Variants in PSAT1 observed in about 807,000 individuals in gnomAD.
The protein encoded by PSAT1 is phosphoserine aminotransferase.
Under a neutral mutation model 40.3 loss-of-function variants are expected in PSAT1, and 41 were observed. The ratio of observed to expected loss-of-function variants is 1.02; its 90% CI spans 0.79 to 1.32. The LOEUF (loss-of-function observed/expected upper bound fraction) is 1.32. Among genes scored for constraint, PSAT1 ranks in the 40% most tolerant of loss-of-function variants. PSAT1 has a pLI of 0.00. For missense variants in PSAT1, 406 were observed against 455.8 expected, an observed-to-expected ratio of 0.89 and a Z score of 0.99; for synonymous variants, 147 against 170.5, an observed-to-expected ratio of 0.86 and a Z score of 1.07.
At chr9:78,327,607 T>C (rs1360222886) in intron 7 of PSAT1, among the ~76,000 whole-genome samples, 7 of 152,150 alleles carry the variant, frequency 4.6e-5, no homozygotes, top group Non-Finnish European at 1.5e-5. Context: ...GGTAAGTCCT[T>C]TGGAAGTTGC....
chr9:78,326,958 T>TTTTTTTTTTTTTTTTTG (rs1828509331), intron 7 of PSAT1, among the ~76,000 whole-genome samples: 1 of 126,852 alleles, frequency 7.9e-6, no homozygotes, highest in Non-Finnish European at 1.6e-5. Flanking sequence ...TATATATATT[T>TTTTTTTTTTTTTTTTTG]TTTTTTTTTT....
At position 78,304,877 on chromosome 9, in the gene PSAT1, G is replaced by A. The variant is rs753859574; in HGVS notation, c.334G>A (p.Ala112Thr). 28 of 1,613,904 alleles carry A rather than the reference G, an allele frequency of 1.7e-5. 1 individual carries two copies. In the South Asian group the frequency reaches 2.1e-4, roughly 12 times the overall value. Residue 112 changes from alanine to threonine, a missense_variant, in exon 4 of 9, where the codon GCA becomes ACA. Physicochemically the swap from Ala to Thr is moderately conservative, Grantham distance 58. Coordinates refer to ENST00000376588, the MANE Select transcript of PSAT1 (RefSeq NM_058179.4). ...GACAGGAGCTTGGTCAGCTAAGGCC[G>A]CAGAAGAAGCCAAGAAGTTTGGGAC... is the stretch of plus-strand genomic sequence containing the variant. ...VVTGAWSAKAAEEAKKFGTIN... is the reference protein window; with the variant it reads ...VVTGAWSAKATEEAKKFGTIN...
rs942227433 is a variant in PSAT1, at chr9:78,309,770, G to A, written c.740+1187G>A. On this transcript the variant is annotated intron_variant, in intron 6 of 8. Transcript: ENST00000376588. ...ACTTCAGGAAGAGCAGGGTTGCCCTGCCTCAGGATCCTATAACTCCCAAAC... is the reference window on the plus strand; with the variant it reads ...ACTTCAGGAAGAGCAGGGTTGCCCTACCTCAGGATCCTATAACTCCCAAAC... 7.2e-5 allele frequency among the ~76,000 whole-genome samples: 11 copies of A among 152,206 alleles called. No individual in the cohort carries two copies. In the South Asian group the frequency reaches 1.0e-3, roughly 14 times the overall value.
chr9:78,302,724 A>C, intron 3 of PSAT1, among the ~76,000 whole-genome samples: 2 of 118,046 alleles, frequency 1.7e-5, no homozygotes, highest in African/African-American at 6.8e-5. Context: ...ACAAAGCGAG[A>C]CTCCGTCTCA....
At position 78,306,476 on chromosome 9, in the gene PSAT1, A is replaced by T; in HGVS notation, c.560A>T (p.Asp187Val). ...TCAAACTTCCTGTCCAAGCCAGTGG[A>T]TGTTTCCAAGGTAGAGTATAAAAGG... is the stretch of plus-strand genomic sequence containing the variant. The part of the protein sequence containing the change: ...MSSNFLSKPV[D>V]VSKFGVIFAG... Residue 187 changes from aspartate to valine, a missense_variant, in exon 5 of 9, where the codon GAT (aspartate) becomes GTT (valine). Physicochemically the swap from Asp to Val is radical, Grantham distance 152. Coordinates refer to ENST00000376588, the MANE Select transcript of PSAT1 (RefSeq NM_058179.4). The T allele has an allele frequency of 6.2e-7, 1 of 1,614,194 alleles. No homozygotes were observed. The highest frequency in any genetic ancestry group is 8.5e-7 in the Non-Finnish European group (1 of 1,180,026).
intron 7 of PSAT1, among the ~76,000 whole-genome samples, chr9:78,326,961 T>A (rs1209195379): frequency 2.5e-4 from 28 of 112,728 alleles, no homozygotes; most frequent in African/African-American, 5.8e-4. Flanking sequence ...ATATATTTTT[T>A]TTTTTTTTTT....
In PSAT1 at chr9:78,300,614, A is replaced by G. The variant is rs760631386; in HGVS notation, c.73A>G (p.Ile25Val). 4 of 1,609,858 alleles carry G rather than the reference A, an allele frequency of 2.5e-6. No individual in the cohort carries two copies. Among genetic ancestry groups the G allele is most frequent in the Admixed American group, 1.7e-5 (1 of 59,442 alleles). The change falls in exon 2 of 9, where the codon ATA becomes GTA. Residue 25 changes from isoleucine (I) to valine (V), a missense_variant. Ile to Val is a conservative substitution (Grantham distance 29). Transcript: ENST00000376588. ...AKLPHSVLLE[I>V]QKELLDYKGV... ...TATTTTTTTCTAGGTGTTGTTAGAG[A>G]TACAAAAGGAATTATTAGACTACAA...
At chr9:78,306,618 G>C (rs1587636485) in intron 5 of PSAT1, 132 bp downstream of exon 5, 1 of 1,132,328 alleles carries the variant, frequency 8.8e-7, no homozygotes, top group East Asian at 2.4e-5. Flanking sequence ...GCAGCTGCCA[G>C]TGAGCAGGCT....
intron 4 of PSAT1, among the ~76,000 whole-genome samples, chr9:78,305,746 C>T (rs1828172020): frequency 6.6e-6 from 1 of 152,116 alleles, no homozygotes; most frequent in South Asian, 2.1e-4. Flanking sequence ...TTCATTGGCT[C>T]CCCTGGAACT....
At chr9:78,312,482 G>T (rs1309951442) in intron 6 of PSAT1, among the ~76,000 whole-genome samples, 1 of 151,574 alleles carries the variant, frequency 6.6e-6, no homozygotes, top group Non-Finnish European at 1.5e-5. Flanking sequence ...GATCACCTGA[G>T]GTCGGGAGTT....
At chr9:78,321,720 C>A (rs925877874) in intron 7 of PSAT1, among the ~76,000 whole-genome samples, 1 of 152,172 alleles carries the variant, frequency 6.6e-6, no homozygotes, top group Non-Finnish European at 1.5e-5. Context: ...TGCTGACTGA[C>A]CCCATGTTGA....
intron 7 of PSAT1, among the ~76,000 whole-genome samples, chr9:78,326,934 A>AATATAT (rs1210919066): frequency 5.4e-4 from 56 of 104,514 alleles, no homozygotes; most frequent in East Asian, 2.7e-3. Context: ...AAGTGACAGC[A>AATATAT]ATATATATAT....
In PSAT1 at chr9:78,316,406, G is replaced by A. The variant is rs191968724; in HGVS notation, c.741-1270G>A. 1.6e-4 allele frequency among the ~76,000 whole-genome samples: 24 copies of A among 152,242 alleles called. No individual in the cohort carries two copies. In the East Asian group the frequency reaches 4.4e-3, roughly 28 times the overall value. ...GGGAATGTTGGCTTCATTTTCAGAT[G>A]GGCCTTCTTCAGATGTTTCCTAGAA... On this transcript the variant is annotated intron_variant, in intron 6 of 8. Coordinates refer to ENST00000376588, the MANE Select transcript of PSAT1 (RefSeq NM_058179.4).
intron 6 of PSAT1, among the ~76,000 whole-genome samples, chr9:78,313,980 A>T (rs571982528): frequency 2.6e-5 from 4 of 152,218 alleles, no homozygotes; most frequent in Non-Finnish European, 5.9e-5. Context: ...GGTGTCCTGT[A>T]GAATGGACAT....
At chr9:78,310,495 G>C (rs1448498895) in intron 6 of PSAT1, among the ~76,000 whole-genome samples, 1 of 152,166 alleles carries the variant, frequency 6.6e-6, no homozygotes, top group Admixed American at 6.5e-5. Context: ...GTAGGAAAGA[G>C]GGGGCTCAGG....
At position 78,297,847 on chromosome 9, in the gene PSAT1, T is replaced by C. The variant is rs142062968; in HGVS notation, c.60+577T>C. ...CCCTACGCCTTACACCAGTGTTTGCTTTAGCCAGCACTTAGGAACACTGCT... is the reference window on the plus strand; with the variant it reads ...CCCTACGCCTTACACCAGTGTTTGCCTTAGCCAGCACTTAGGAACACTGCT... On this transcript the variant is annotated intron_variant, in intron 1 of 8. Transcript: ENST00000376588. Among the ~76,000 whole-genome samples, 53 of 152,306 alleles carry C rather than the reference T, an allele frequency of 3.5e-4. No homozygotes were observed. The East Asian group carries it at 0.01, about 29-fold the overall frequency.
intron 6 of PSAT1, among the ~76,000 whole-genome samples, chr9:78,311,745 T>A (rs1828270954): frequency 6.6e-6 from 1 of 151,824 alleles, no homozygotes; most frequent in Non-Finnish European, 1.5e-5. Flanking sequence ...GGCAGGAGAA[T>A]CCCTTGAACC....
chr9:78,326,433 A>G (rs375684129), intron 7 of PSAT1, among the ~76,000 whole-genome samples: 144 of 152,278 alleles, frequency 9.5e-4, no homozygotes, highest in African/African-American at 3.3e-3. Flanking sequence ...GAAGTCAAAC[A>G]CGAACCTTTC....
chr9:78,297,380 C>T, intron 1 of PSAT1, 110 bp downstream of exon 1: 5 of 1,266,338 alleles, frequency 3.9e-6, no homozygotes, highest in Non-Finnish European at 4.4e-6. Flanking sequence ...TGCCTTGAGT[C>T]CCCTAGGCGC....
Sources: gnomAD v4.1 joint callset for allele counts (sites outside exome capture counted in the v4.1 genomes callset) on GRCh38, gnomAD v4.1.1 for gene constraint, MANE v1.5 for transcripts, NCBI Gene and HGNC (gene_info 2026-07-23, HGNC 2026-07-21) for gene names.